Variants in DNAH14 observed in about 807,000 individuals in gnomAD.
The protein encoded by DNAH14 is axonemal beta dynein heavy chain 14.
Under a neutral mutation model 520.9 loss-of-function variants are expected in DNAH14, and 478 were observed. The ratio of observed to expected loss-of-function variants is 0.92; its 90% CI spans 0.85 to 0.99. The LOEUF (loss-of-function observed/expected upper bound fraction) is 0.99. DNAH14 is among the 50% of genes least tolerant of loss of function. The probability of loss-of-function intolerance (pLI) is 0.00; values close to 1 mark genes in which losing one functional copy is unlikely to be tolerated. For synonymous variants in DNAH14, 1,581 were observed against 1,757.2 expected (o/e 0.90, Z 2.51); for missense variants, 4,831 against 5,234.5 (o/e 0.92, Z 2.38).
chr1:225,363,681 T>C lies in DNAH14; in HGVS notation c.11988-1111T>C, dbSNP rs543013215. ...CCCTGTGGATACTGGAATTCTTGGA[T>C]ATTCGATTCCCTTATATCAAGTGGT... On this transcript the variant is annotated intron_variant, in intron 75 of 85. Coordinates refer to ENST00000682510, the MANE Select transcript of DNAH14 (RefSeq NM_001367479.1). 7.2e-5 allele frequency among the ~76,000 whole-genome samples: 11 copies of C among 152,338 alleles called. No homozygotes were observed. The South Asian group carries it at 2.3e-3, about 32-fold the overall frequency.
At chr1:224,992,049 G>A (rs539748101) in intron 8 of DNAH14, among the ~76,000 whole-genome samples, 44 of 152,164 alleles carry the variant, frequency 2.9e-4, no homozygotes, top group Admixed American at 1.1e-3. Context: ...GTTTGTACAC[G>A]CATAGGTTCA....
intron 38 of DNAH14, among the ~76,000 whole-genome samples, chr1:225,199,536 T>C (rs1308137557): frequency 6.6e-6 from 1 of 152,186 alleles, no homozygotes; most frequent in Non-Finnish European, 1.5e-5. Flanking sequence ...ATAGGTTGTG[T>C]CACTATTTCA....
chr1:225,177,108 A>T (rs2083417987), intron 36 of DNAH14, among the ~76,000 whole-genome samples: 2 of 152,186 alleles, frequency 1.3e-5, no homozygotes, highest in African/African-American at 4.8e-5. Flanking sequence ...GTCCAGGCTG[A>T]GGTATTTTCA....
chr1:225,118,191 A>C, intron 25 of DNAH14, 192 bp downstream of exon 25: 1 of 613,376 alleles, frequency 1.6e-6, no homozygotes, highest in South Asian at 2.0e-5. Context: ...TCTAATTAAA[A>C]GTTGAGAAAG....
chr1:224,969,409 A>G (rs542904136), intron 7 of DNAH14: 2 of 156,966 alleles, frequency 1.3e-5, no homozygotes, highest in African/African-American at 4.8e-5. Context: ...AAGCTTTATC[A>G]GTAACATAAA....
intron 77 of DNAH14, among the ~76,000 whole-genome samples, chr1:225,374,182 T>TATATATATATACAC (rs1263904206): frequency 2.1e-5 from 2 of 97,120 alleles, no homozygotes; most frequent in African/African-American, 7.1e-5. Context: ...TATATATATA[T>TATATATATATACAC]ACTATTCTAG....
intron 41 of DNAH14, among the ~76,000 whole-genome samples, chr1:225,228,574 A>G (rs1187180637): frequency 6.6e-6 from 1 of 151,760 alleles, no homozygotes; most frequent in East Asian, 1.9e-4. Context: ...AATGATGTGC[A>G]AGGACATCTC....
At chr1:225,077,121 T>G (rs547718888) in intron 17 of DNAH14, among the ~76,000 whole-genome samples, 3 of 152,330 alleles carry the variant, frequency 2.0e-5, no homozygotes, top group Non-Finnish European at 4.4e-5. Context: ...GATAAGAGTT[T>G]TTATTATAAA....
chr1:225,060,647 A>G (rs376917148), intron 17 of DNAH14, among the ~76,000 whole-genome samples: 1 of 144,544 alleles, frequency 6.9e-6, no homozygotes, highest in Admixed American at 7.1e-5. Flanking sequence ...TTGTGGTTTT[A>G]TCTACCTTTG....
chr1:225,126,262 A>G, intron 27 of DNAH14, among the ~76,000 whole-genome samples: 1 of 152,074 alleles, frequency 6.6e-6, no homozygotes. Context: ...CAGGGTTACC[A>G]CAAATCTTCA....
rs144268340 is a variant in DNAH14, at chr1:225,138,174, A to G, written c.4255-2594A>G. The stretch of plus-strand genomic sequence containing the variant: ...ACCAAGGACCTGCCCAGTGAGAAGT[A>G]GTATGTCAGGGCCCTGGTTAAAGAA... On this transcript the variant is annotated intron_variant, in intron 27 of 85. Coordinates refer to ENST00000682510, the MANE Select transcript of DNAH14 (RefSeq NM_001367479.1). Among the ~76,000 whole-genome samples, 171 of 152,150 alleles carry G rather than the reference A, an allele frequency of 1.1e-3. 2 individuals carry two copies. The East Asian group carries it at 0.029, about 26-fold the overall frequency.
intron 41 of DNAH14, among the ~76,000 whole-genome samples, chr1:225,230,198 A>G (rs747740686): frequency 9.2e-5 from 14 of 152,164 alleles, no homozygotes; most frequent in Non-Finnish European, 1.6e-4. Flanking sequence ...TAAAACAACA[A>G]TTATTTGAAT....
At chr1:225,013,289 C>A (rs1022279014) in intron 10 of DNAH14, among the ~76,000 whole-genome samples, 2 of 152,074 alleles carry the variant, frequency 1.3e-5, no homozygotes, top group Non-Finnish European at 2.9e-5. Context: ...TGGGTATCAC[C>A]AATGGAGGCT....
intron 36 of DNAH14, among the ~76,000 whole-genome samples, chr1:225,183,486 G>T (rs1327855857): frequency 6.6e-6 from 1 of 152,096 alleles, no homozygotes; most frequent in Admixed American, 6.6e-5. Flanking sequence ...TAGCAATCTA[G>T]CATTGCACCC....
chr1:225,159,325 A>G lies in DNAH14; in HGVS notation c.5285A>G (p.Asp1762Gly), dbSNP rs146119353. 74 of 1,551,214 alleles carry G rather than the reference A, an allele frequency of 4.8e-5. No homozygotes were observed. In the Middle Eastern group the frequency reaches 1.0e-3, roughly 21 times the overall value. Reference protein sequence around the residue: ...KKREFKCDTSDSLSEADETLI... With the variant: ...KKREFKCDTSGSLSEADETLI... ...TTCTACCATTGAAGTGATACCAGTG[A>G]CAGTCTTTCTGAAGCAGATGAAACC... Residue 1762 changes from aspartate to glycine, a missense_variant, in exon 35 of 86, where the codon GAC (aspartate) becomes GGC (glycine). Coordinates refer to ENST00000682510, the MANE Select transcript of DNAH14 (RefSeq NM_001367479.1).
intron 36 of DNAH14, among the ~76,000 whole-genome samples, chr1:225,171,185 C>T (rs1278340221): frequency 6.6e-6 from 1 of 152,116 alleles, no homozygotes; most frequent in Non-Finnish European, 1.5e-5. Context: ...CTAAAATTGA[C>T]ACCCTAACAT....
intron 77 of DNAH14, among the ~76,000 whole-genome samples, chr1:225,371,654 C>G (rs953114735): frequency 6.6e-6 from 1 of 151,820 alleles, no homozygotes; most frequent in Non-Finnish European, 1.5e-5. Flanking sequence ...TATAATTGTA[C>G]GTCTAGAAAA....
At chr1:225,278,649 T>G (rs1015142064) in intron 54 of DNAH14, among the ~76,000 whole-genome samples, 1 of 152,190 alleles carries the variant, frequency 6.6e-6, no homozygotes, top group Non-Finnish European at 1.5e-5. Context: ...AGGGCTATGA[T>G]TTTTGTCTGT....
chr1:224,974,325 T>A (rs1457241485), intron 8 of DNAH14, among the ~76,000 whole-genome samples, 172 bp downstream of exon 8: 2 of 152,170 alleles, frequency 1.3e-5, no homozygotes, highest in Non-Finnish European at 2.9e-5. Context: ...AAACACTGTG[T>A]TTTGCAGTGT....
Sources: allele counts gnomAD v4.1 joint callset (sites outside exome capture counted in the v4.1 genomes callset), GRCh38; gene constraint gnomAD v4.1.1; transcripts MANE v1.5; gene names NCBI Gene and HGNC (gene_info 2026-07-23, HGNC 2026-07-21).